EDA: variants seen among roughly 807,000 people sequenced by gnomAD.
The protein encoded by EDA is ectodysplasin A.
In EDA, 2 loss-of-function variants were observed where a neutral mutation model predicts 23.6. The observed-to-expected ratio is 0.08, with a 90% CI of 0.03 to 0.27. EDA has a LOEUF of 0.27. EDA is among the 10% of genes least tolerant of loss of function. The probability of loss-of-function intolerance (pLI) is 1.00; values close to 1 mark genes in which losing one functional copy is unlikely to be tolerated. For synonymous variants in EDA, 131 were observed against 132.0 expected, an observed-to-expected ratio of 0.99 and a Z score of 0.05; for missense variants, 229 against 324.2, an observed-to-expected ratio of 0.71 and a Z score of 2.26.
chrX:69,829,057 T>C (rs1203995381), intron 1 of EDA, among the ~76,000 whole-genome samples: 1 of 112,488 alleles, frequency 8.9e-6, no homozygotes, highest in African/African-American at 3.2e-5. Context: ...TTCTCTATCA[T>C]ATCACCTTGT....
intron 1 of EDA, among the ~76,000 whole-genome samples, chrX:69,905,986 C>T (rs1473985125): frequency 9.0e-6 from 1 of 111,585 alleles, no homozygotes; most frequent in African/African-American, 3.3e-5. Flanking sequence ...GTATTTGCTA[C>T]AGTAAGAGCC....
chrX:69,795,144 G>A (rs1569335415), intron 1 of EDA, among the ~76,000 whole-genome samples: 1 of 111,398 alleles, frequency 9.0e-6, no homozygotes, highest in Non-Finnish European at 1.9e-5. Context: ...CCCTGCCTCA[G>A]CCTCCCAAGT....
intron 1 of EDA, among the ~76,000 whole-genome samples, chrX:69,655,787 T>TCTATATA (rs6151315): frequency 1.1e-5 from 1 of 88,390 alleles, no homozygotes; most frequent in African/African-American, 4.7e-5. Context: ...TATATATATA[T>TCTATATA]TGCACTTTGT....
chrX:69,877,514 A>AT (rs2017664822), intron 1 of EDA, among the ~76,000 whole-genome samples: 1 of 110,694 alleles, frequency 9.0e-6, no homozygotes, highest in Admixed American at 9.6e-5. Context: ...CCTGTTACCC[A>AT]TTTTTTCTTT....
intron 1 of EDA, among the ~76,000 whole-genome samples, chrX:69,818,571 A>G (rs2016135562): frequency 8.9e-6 from 1 of 111,981 alleles, no homozygotes; most frequent in Admixed American, 9.5e-5. Flanking sequence ...AACTACCATC[A>G]GAGAATACTA....
At chrX:69,988,166 G>T (rs1054785028) in intron 2 of EDA, among the ~76,000 whole-genome samples, 1 of 111,829 alleles carries the variant, frequency 8.9e-6, no homozygotes, top group Non-Finnish European at 1.9e-5. Context: ...CAAACTTCAC[G>T]TGTCCTCACT....
intron 2 of EDA, among the ~76,000 whole-genome samples, chrX:69,983,617 C>T (rs1227754961): frequency 1.1e-4 from 5 of 46,299 alleles, no homozygotes; most frequent in Admixed American, 2.9e-4. Flanking sequence ...GGGTTTCTGC[C>T]GAGAGATCCG....
chrX:69,931,878 C>T (rs1183085950), intron 1 of EDA, among the ~76,000 whole-genome samples: 1 of 112,010 alleles, frequency 8.9e-6, no homozygotes, highest in Admixed American at 9.5e-5. Context: ...TATGTCCACA[C>T]AAAGACTTGC....
chrX:69,959,518 C>G (rs2019069269), intron 2 of EDA, among the ~76,000 whole-genome samples: 1 of 111,788 alleles, frequency 8.9e-6, no homozygotes, highest in Admixed American at 9.6e-5. Context: ...ATTCAATACA[C>G]TCATCAAATA....
At chrX:69,914,716 C>T (rs2018316833) in intron 1 of EDA, among the ~76,000 whole-genome samples, 4 of 111,570 alleles carry the variant, frequency 3.6e-5, no homozygotes, top group African/African-American at 1.3e-4. Flanking sequence ...CTAGAACTTA[C>T]TCCTCCCAGC....
chrX:69,788,912 G>A (rs2015302014), intron 1 of EDA, among the ~76,000 whole-genome samples: 1 of 112,577 alleles, frequency 8.9e-6, no homozygotes, highest in Non-Finnish European at 1.9e-5. Context: ...CTTGCAGTTT[G>A]ATCTCAGACT....
At chrX:70,009,290 C>A (rs1409497131) in intron 2 of EDA, among the ~76,000 whole-genome samples, 2 of 110,930 alleles carry the variant, frequency 1.8e-5, no homozygotes, top group East Asian at 5.6e-4. Flanking sequence ...ATTTTTATTA[C>A]TTCCTTTCTT....
At chrX:69,694,100 T>C (rs887891757) in intron 1 of EDA, among the ~76,000 whole-genome samples, 11 of 112,292 alleles carry the variant, frequency 9.8e-5, no homozygotes, top group African/African-American at 3.6e-4. Flanking sequence ...GCATAATTTT[T>C]TATACTCCAT....
chrX:69,687,981 C>A (rs780772333), intron 1 of EDA, among the ~76,000 whole-genome samples: 1 of 111,843 alleles, frequency 8.9e-6, no homozygotes, highest in African/African-American at 3.2e-5. Context: ...AGTACAAAGT[C>A]TTCACAGGAG....
At chrX:69,712,619 T>G (rs1011420838) in intron 1 of EDA, among the ~76,000 whole-genome samples, 2 of 111,525 alleles carry the variant, frequency 1.8e-5, no homozygotes, top group African/African-American at 6.5e-5. Flanking sequence ...GGTGGGACTG[T>G]AAACTAGTTC....
chrX:69,822,713 A>T (rs930061732), intron 1 of EDA, among the ~76,000 whole-genome samples: 9 of 110,902 alleles, frequency 8.1e-5, no homozygotes, highest in African/African-American at 2.9e-4. Flanking sequence ...TATTATTATT[A>T]TACTTTAAGT....
chrX:70,024,066 C>T (rs1002514163), intron 3 of EDA, among the ~76,000 whole-genome samples: 1 of 112,278 alleles, frequency 8.9e-6, no homozygotes, highest in African/African-American at 3.2e-5. Context: ...CTGAAAGAAC[C>T]AATTATGAAA....
intron 1 of EDA, among the ~76,000 whole-genome samples, chrX:69,827,374 T>A (rs751395770): frequency 5.4e-5 from 6 of 111,987 alleles, no homozygotes; most frequent in African/African-American, 1.9e-4. Flanking sequence ...CATAGTCCCA[T>A]ATTTCTTGCA....
At chrX:69,860,949 G>C (rs532908842) in intron 1 of EDA, 2 of 518,411 alleles carry the variant, frequency 3.9e-6, no homozygotes. Flanking sequence ...CAGTCCCTCA[G>C]TGGGAGCTGT....
Sources: gnomAD v4.1 joint callset for allele counts (sites outside exome capture counted in the v4.1 genomes callset) on GRCh38, gnomAD v4.1.1 for gene constraint, MANE v1.5 for transcripts, NCBI Gene and HGNC (gene_info 2026-07-23, HGNC 2026-07-21) for gene names.